NR5A2: variants seen among roughly 807,000 people sequenced by gnomAD.
NR5A2 encodes the protein nuclear receptor subfamily 5 group A member 2.
NR5A2 carries 26 observed loss-of-function variants against 62.7 expected under a neutral mutation model. The observed-to-expected ratio is 0.41, with a 90% CI of 0.30 to 0.58. The LOEUF (loss-of-function observed/expected upper bound fraction) is 0.58. Among genes scored for constraint, NR5A2 ranks in the 20% least tolerant of loss-of-function variants. The pLI is 0.22. For missense variants in NR5A2, 541 were observed against 669.1 expected, an observed-to-expected ratio of 0.81 and a Z score of 2.11; for synonymous variants, 246 against 241.7, an observed-to-expected ratio of 1.02 and a Z score of -0.16.
At chr1:200,058,834 G>T (rs1222797136) in intron 5 of NR5A2, among the ~76,000 whole-genome samples, 4 of 150,174 alleles carry the variant, frequency 2.7e-5, no homozygotes, top group Admixed American at 6.6e-5. Context: ...GCCCAGACAG[G>T]TGCGGTGGCT....
At chr1:200,130,136 AAGAG>A (rs1666901796) in intron 7 of NR5A2, among the ~76,000 whole-genome samples, 1 of 152,184 alleles carries the variant, frequency 6.6e-6, no homozygotes, top group African/African-American at 2.4e-5. Context: ...GGAGGTGAAA[AAGAG>A]AGCACAAATC....
chr1:200,114,843 A>G (rs1429400245), intron 6 of NR5A2, among the ~76,000 whole-genome samples: 9 of 152,186 alleles, frequency 5.9e-5, no homozygotes. Flanking sequence ...ATCGAGGCCA[A>G]CTAGTGCTAG....
Position 200,039,746 on chromosome 1 carries a change from A to C in NR5A2, c.153A>C (p.Gly51=). Residue 51 remains glycine (G), a synonymous_variant, in exon 2 of 8, where the codon GGA becomes GGC. Coordinates refer to ENST00000367362, the MANE Select transcript of NR5A2 (RefSeq NM_205860.3). This position sits in a 1 kb window ranked among gnomAD's most constrained non-coding sequence, Gnocchi z 5.1. Reference sequence around the variant, plus strand: ...CCAAAGTGGAGACGGAAGCCCTGGGACTGGCTCGATCGCATGGGGAACAGG... The same window carrying C: ...CCAAAGTGGAGACGGAAGCCCTGGGCCTGGCTCGATCGCATGGGGAACAGG... ...MLPKVETEAL[G]LARSHGEQGQ... 4 of 1,610,912 alleles carry C rather than the reference A, an allele frequency of 2.5e-6. No homozygotes were observed. Among genetic ancestry groups the C allele is most frequent in the Non-Finnish European group, 3.4e-6 (4 of 1,178,658 alleles).
At chr1:200,094,069 C>T (rs1164987302) in intron 5 of NR5A2, among the ~76,000 whole-genome samples, 7 of 151,738 alleles carry the variant, frequency 4.6e-5, no homozygotes, top group Admixed American at 1.3e-4. Context: ...CTCAGGAGGC[C>T]GAGGCAGGAG....
chr1:200,156,983 A>T (rs998893344), intron 7 of NR5A2, among the ~76,000 whole-genome samples: 13 of 152,192 alleles, frequency 8.5e-5, no homozygotes, highest in Admixed American at 7.9e-4. Context: ...CGCTCTCTGT[A>T]TATGCTGACT....
chr1:200,114,233 T>TATATAC (rs1553274029), intron 6 of NR5A2, among the ~76,000 whole-genome samples: 1,513 of 106,148 alleles, frequency 0.014, 14 homozygotes, highest in Non-Finnish European at 0.02. Context: ...TATATATATA[T>TATATAC]ACACACACAC....
chr1:200,041,937 A>C (rs1641807533), intron 2 of NR5A2, among the ~76,000 whole-genome samples: 1 of 152,186 alleles, frequency 6.6e-6, no homozygotes, highest in African/African-American at 2.4e-5. Flanking sequence ...GGGGAGGTAG[A>C]AAAGATCACA....
rs781698898 is a variant in NR5A2, at chr1:200,111,262, A to G, written c.1171A>G (p.Ile391Val). The change falls in exon 6 of 8, where the codon ATT (isoleucine) becomes GTT (valine). Residue 391 changes from isoleucine (I) to valine (V), a missense_variant. Physicochemically the swap from Ile to Val is conservative, Grantham distance 29. Transcript: ENST00000367362. ...CWSELLILDH[I>V]YRQVVHGKEG... ...GAGTGAGCTCTTAATCCTCGACCAC[A>G]TTTACCGACAAGTGGTACATGGAAA... 2 of 1,612,548 alleles carry G rather than the reference A, an allele frequency of 1.2e-6. No homozygotes were observed. Among genetic ancestry groups the G allele is most frequent in the Non-Finnish European group, 1.7e-6 (2 of 1,179,648 alleles).
intron 6 of NR5A2, among the ~76,000 whole-genome samples, chr1:200,115,077 G>T (rs1666155751): frequency 6.6e-6 from 1 of 151,966 alleles, no homozygotes; most frequent in South Asian, 2.1e-4. Context: ...GTTTTTGGGG[G>T]AATTTTCTAT....
At chr1:200,106,720 C>T (rs1266695363) in intron 5 of NR5A2, among the ~76,000 whole-genome samples, 1 of 152,114 alleles carries the variant, frequency 6.6e-6, no homozygotes, top group Non-Finnish European at 1.5e-5. Context: ...TTATTTTTCT[C>T]CCCTTCCTTT....
At chr1:200,033,992 A>C (rs1661643261) in intron 1 of NR5A2, among the ~76,000 whole-genome samples, 2 of 152,202 alleles carry the variant, frequency 1.3e-5, no homozygotes. Flanking sequence ...GGTTGGATCC[A>C]TCCCCTCGCT....
chr1:200,166,980 C>T (rs549870035), intron 7 of NR5A2, among the ~76,000 whole-genome samples: 1 of 152,296 alleles, frequency 6.6e-6, no homozygotes, highest in East Asian at 1.9e-4. Context: ...CCCTCTGATT[C>T]TTAATTTCAT....
chr1:200,069,726 A>G (rs1390161537), intron 5 of NR5A2, among the ~76,000 whole-genome samples: 2 of 152,256 alleles, frequency 1.3e-5, no homozygotes, highest in Non-Finnish European at 2.9e-5. Flanking sequence ...AAAAGGAATC[A>G]CATTAAAAAC....
At chr1:200,078,241 T>C (rs928635185) in intron 5 of NR5A2, among the ~76,000 whole-genome samples, 13 of 152,192 alleles carry the variant, frequency 8.5e-5, no homozygotes, top group African/African-American at 2.9e-4. Flanking sequence ...AAGACTTCAA[T>C]AGCACTTGGA....
At chr1:200,082,728 G>A (rs16845931) in intron 5 of NR5A2, among the ~76,000 whole-genome samples, 1,966 of 152,168 alleles carry the variant, frequency 0.013, 40 homozygotes, top group African/African-American at 0.044. Context: ...GTATATAATA[G>A]GCATCTAATG....
At chr1:200,057,693 G>A in intron 5 of NR5A2, 1 of 308,522 alleles carries the variant, frequency 3.2e-6, no homozygotes. Flanking sequence ...TGGCCAGGCT[G>A]GTCTCAAAAC....
chr1:200,166,402 A>G (rs1653903023), intron 7 of NR5A2, among the ~76,000 whole-genome samples: 1 of 152,226 alleles, frequency 6.6e-6, no homozygotes. Context: ...GATTTGTGGC[A>G]TTTAAGATGT....
At chr1:200,126,249 T>C (rs1571520459) in intron 7 of NR5A2, among the ~76,000 whole-genome samples, 2 of 152,216 alleles carry the variant, frequency 1.3e-5, no homozygotes, top group South Asian at 4.1e-4. Context: ...CTTTAAACTG[T>C]ATAAGTCTGA....
chr1:200,047,824 C>T (rs551895559), intron 4 of NR5A2, among the ~76,000 whole-genome samples: 5 of 152,244 alleles, frequency 3.3e-5, no homozygotes, highest in African/African-American at 1.2e-4. Context: ...GTGATCCACC[C>T]GCCTTGGCCT....
Sources: allele counts gnomAD v4.1 joint callset (sites outside exome capture counted in the v4.1 genomes callset), GRCh38; gene constraint gnomAD v4.1.1; non-coding constraint Gnocchi (gnomAD v3.1); transcripts MANE v1.5; gene names NCBI Gene and HGNC (gene_info 2026-07-23, HGNC 2026-07-21).